The following TEX26 variants were observed in gnomAD, a reference collection of about 807,000 sequenced individuals.
TEX26 encodes testis-expressed protein 26.
In TEX26, 34 loss-of-function variants were observed where a neutral mutation model predicts 35.3. The ratio of observed to expected loss-of-function variants is 0.96; its 90% CI spans 0.73 to 1.28. The LOEUF is 1.28. Ranked by LOEUF, TEX26 falls within the 50% of genes most tolerant of loss-of-function variation. The probability of loss-of-function intolerance (pLI) is 0.00; values close to 1 mark genes in which losing one functional copy is unlikely to be tolerated. For missense variants in TEX26, 371 were observed against 330.1 expected, an observed-to-expected ratio of 1.12 and a Z score of -0.96; for synonymous variants, 136 against 111.8, an observed-to-expected ratio of 1.22 and a Z score of -1.36.
intron 2 of TEX26, among the ~76,000 whole-genome samples, chr13:30,940,081 C>G (rs1953422047): frequency 6.6e-6 from 1 of 152,116 alleles, no homozygotes; most frequent in Admixed American, 6.5e-5. Flanking sequence ...CCTAAACATT[C>G]ACGTGACTTG....
chr13:30,951,172 G>A (rs536558140), intron 2 of TEX26, among the ~76,000 whole-genome samples: 3 of 151,886 alleles, frequency 2.0e-5, no homozygotes, highest in Non-Finnish European at 2.9e-5. Context: ...AACATAGTGA[G>A]ACCTCATCTC....
intron 6 of TEX26, among the ~76,000 whole-genome samples, chr13:30,971,964 T>A (rs1954726630): frequency 6.6e-6 from 1 of 152,222 alleles, no homozygotes; most frequent in Non-Finnish European, 1.5e-5. Context: ...TGTGATTCAA[T>A]ATTAAGAATC....
rs187516387 is a variant in TEX26, at chr13:30,946,308, T to A, written c.147-6352T>A. Among the ~76,000 whole-genome samples the A allele has an allele frequency of 4.6e-4, 70 of 152,058 alleles. No individual in the cohort carries two copies. The East Asian group carries it at 5.2e-3, about 11-fold the overall frequency. On this transcript the variant is annotated intron_variant, in intron 2 of 6. Transcript: ENST00000380473. ...CATTTCTAGAAGTTCTGATTTTTTT[T>A]AAAATCTATTTCTTTAGAAAACTTT...
At chr13:30,958,690 A>C (rs1320725627) in intron 4 of TEX26, among the ~76,000 whole-genome samples, 1 of 152,160 alleles carries the variant, frequency 6.6e-6, no homozygotes, top group African/African-American at 2.4e-5. Flanking sequence ...CTGAACAAGA[A>C]CTTTATCTTT....
intron 6 of TEX26, among the ~76,000 whole-genome samples, chr13:30,969,384 A>T (rs1954644192): frequency 6.6e-6 from 1 of 152,146 alleles, no homozygotes; most frequent in Non-Finnish European, 1.5e-5. Context: ...TTGTACAGTC[A>T]CGTTGTTTTG....
At chr13:30,965,340 A>G (rs1489442742) in intron 4 of TEX26, among the ~76,000 whole-genome samples, 3 of 152,256 alleles carry the variant, frequency 2.0e-5, no homozygotes, top group African/African-American at 2.4e-5. Flanking sequence ...CGTTTGATAC[A>G]TAATATATAT....
intron 1 of TEX26, chr13:30,933,950 C>T (rs963316156): frequency 2.6e-5 from 4 of 152,294 alleles, no homozygotes; most frequent in Non-Finnish European, 5.9e-5. Context: ...GTGCCAACAA[C>T]TCTCTAACCT....
At chr13:30,960,203 T>C (rs1954283059) in intron 4 of TEX26, among the ~76,000 whole-genome samples, 1 of 152,192 alleles carries the variant, frequency 6.6e-6, no homozygotes, top group Non-Finnish European at 1.5e-5. Context: ...TCTCTTTGTA[T>C]TTTTGTTCTG....
chr13:30,932,727 T>C lies in TEX26; in HGVS notation c.12T>C (p.Pro4=), dbSNP rs766443703. The C allele has an allele frequency of 6.2e-7, 1 of 1,613,586 alleles. No homozygotes were observed. Among genetic ancestry groups the C allele is most frequent in the Non-Finnish European group, 8.5e-7 (1 of 1,179,942 alleles). The change falls in exon 1 of 7, where the codon CCT becomes CCC. Residue 4 remains proline (P), a synonymous_variant. Coordinates refer to ENST00000380473, the MANE Select transcript of TEX26 (RefSeq NM_152325.3). MEQ[P]GPRAPDPSLC... ...CCTCCTGGGGCAGAATGGAACAGCCTGGGCCCAGGGCTCCGGATCCCTCTC... is the reference window on the plus strand; with the variant it reads ...CCTCCTGGGGCAGAATGGAACAGCCCGGGCCCAGGGCTCCGGATCCCTCTC...
chr13:30,969,435 T>C (rs73455617), intron 6 of TEX26, among the ~76,000 whole-genome samples: 7,580 of 152,282 alleles, frequency 0.05, 624 homozygotes, highest in African/African-American at 0.17. Flanking sequence ...TGCTGGTACA[T>C]TTTTGTGATA....
At chr13:30,936,578 T>C (rs1953280483) in intron 1 of TEX26, 1 of 701,546 alleles carries the variant, frequency 1.4e-6, no homozygotes, top group South Asian at 6.4e-5. Context: ...CCTCTTCATG[T>C]TCCCTGTGAC....
intron 2 of TEX26, 84 bp downstream of exon 2, chr13:30,939,862 C>A: frequency 8.1e-7 from 1 of 1,242,064 alleles, no homozygotes; most frequent in Non-Finnish European, 1.2e-6. Flanking sequence ...AACACATAGA[C>A]AGTAATTAGA....
chr13:30,946,981 T>C (rs940218988), intron 2 of TEX26, among the ~76,000 whole-genome samples: 1 of 152,104 alleles, frequency 6.6e-6, no homozygotes, highest in African/African-American at 2.4e-5. Context: ...ACTTCCTCCA[T>C]AGACTTTTTC....
At chr13:30,968,086 G>A (rs1263856068) in intron 5 of TEX26, among the ~76,000 whole-genome samples, 1 of 152,188 alleles carries the variant, frequency 6.6e-6, no homozygotes, top group African/African-American at 2.4e-5. Context: ...CTGAAGGTTT[G>A]CTGAAAAATT....
intron 2 of TEX26, among the ~76,000 whole-genome samples, chr13:30,951,803 A>G (rs1488767086): frequency 6.6e-6 from 1 of 152,174 alleles, no homozygotes; most frequent in African/African-American, 2.4e-5. Flanking sequence ...ATAGCCAATC[A>G]GCAATCAAAT....
chr13:30,937,105 G>A (rs1953300138), intron 1 of TEX26: 1 of 541,132 alleles, frequency 1.8e-6, no homozygotes, highest in Non-Finnish European at 2.4e-6. Context: ...TGGAGGGTGT[G>A]CCTGATCTGT....
chr13:30,946,628 T>TC (rs1377629501), intron 2 of TEX26, among the ~76,000 whole-genome samples: 3 of 151,974 alleles, frequency 2.0e-5, no homozygotes, highest in East Asian at 3.8e-4. Flanking sequence ...ATTTCTTTTT[T>TC]CCCCCTTAAG....
intron 4 of TEX26, among the ~76,000 whole-genome samples, chr13:30,964,865 A>C (rs1320684325): frequency 6.6e-6 from 1 of 152,168 alleles, no homozygotes; most frequent in Non-Finnish European, 1.5e-5. Flanking sequence ...CTCCCACAAT[A>C]ACAGCATTAA....
chr13:30,940,067 G>A (rs1566140616), intron 2 of TEX26, among the ~76,000 whole-genome samples: 1 of 152,206 alleles, frequency 6.6e-6, no homozygotes, highest in East Asian at 1.9e-4. Context: ...ATAAGGTTGT[G>A]CTACCTAAAC....
Sources: gnomAD v4.1 joint callset for allele counts (sites outside exome capture counted in the v4.1 genomes callset) on GRCh38, gnomAD v4.1.1 for gene constraint, MANE v1.5 for transcripts, NCBI Gene and HGNC (gene_info 2026-07-23, HGNC 2026-07-21) for gene names.